The following PRKN variants were observed in gnomAD, a reference collection of about 807,000 sequenced individuals.
The protein encoded by PRKN is E3 ubiquitin-protein ligase parkin.
A neutral mutation model predicts 59.5 loss-of-function variants in PRKN; 56 were observed. The observed-to-expected ratio is 0.94, with a 90% CI of 0.76 to 1.18. The LOEUF (loss-of-function observed/expected upper bound fraction) is 1.18, where lower values mean the gene tolerates loss of function less well. Ranked by LOEUF, PRKN falls within the 50% of genes most tolerant of loss-of-function variation. The pLI is 0.00. For missense variants in PRKN, 657 were observed against 596.4 expected, an observed-to-expected ratio of 1.10 and a Z score of -1.06; for synonymous variants, 250 against 222.1, an observed-to-expected ratio of 1.13 and a Z score of -1.12.
intron 1 of PRKN, among the ~76,000 whole-genome samples, chr6:162,548,812 A>G (rs1388808302): frequency 6.6e-6 from 1 of 152,170 alleles, no homozygotes; most frequent in East Asian, 1.9e-4. Flanking sequence ...AATCATCTCA[A>G]GTTAAATAAC....
intron 4 of PRKN, among the ~76,000 whole-genome samples, chr6:162,064,908 G>A (rs1160251913): frequency 6.6e-6 from 1 of 152,178 alleles, no homozygotes; most frequent in East Asian, 1.9e-4. Flanking sequence ...ATGCCCTTAA[G>A]GGCCCTCCCC....
rs555447415 is a variant in PRKN at position 161,355,396 on chromosome 6, G to A, written c.1285+4692C>T. Among the ~76,000 whole-genome samples the A allele has an allele frequency of 1.3e-5, 2 of 152,166 alleles. No homozygotes were observed. Among genetic ancestry groups the A allele is most frequent in the African/African-American group, 2.4e-5 (1 of 41,458 alleles). On this transcript the variant is annotated intron_variant, in intron 11 of 11. Transcript: ENST00000366898. The surrounding 1 kb of genome is among the most constrained non-coding windows in gnomAD (Gnocchi z 6.8). ...AACTTTACAAGCTAAGTTTTTGTGT[G>A]TTTGTGTTTTATTTATTCTTTTTGA... is the stretch of plus-strand genomic sequence containing the variant.
Position 162,439,691 on chromosome 6 carries a change from TC to T in PRKN, c.171+3618del, listed in dbSNP as rs759401302. ...TGAGACTAACTCCCCCTCTTCCTCT[TC>T]CTCTTTAGCCTACTCAACATGAAGA... On this transcript the variant is annotated intron_variant, in intron 2 of 11. Transcript: ENST00000366898. Among the ~76,000 whole-genome samples the T allele has an allele frequency of 6.0e-4, 81 of 135,430 alleles. 1 individual carries two copies. Among genetic ancestry groups the T allele is most frequent in the Non-Finnish European group, 1.1e-3 (68 of 64,162 alleles). The allele number at this position is 135,430 out of a possible 152,430, so 88.8% of individuals were successfully genotyped here. A position where few individuals can be genotyped will look rare whatever the true frequency, so the allele number is the denominator to read the frequency against.
intron 2 of PRKN, among the ~76,000 whole-genome samples, chr6:162,410,391 G>C (rs1788294417): frequency 6.6e-6 from 1 of 152,130 alleles, no homozygotes; most frequent in Non-Finnish European, 1.5e-5. Context: ...ATGTGCCACT[G>C]AAAAACAGCT....
At chr6:162,642,924 A>C (rs1159581727) in intron 1 of PRKN, among the ~76,000 whole-genome samples, 1 of 152,122 alleles carries the variant, frequency 6.6e-6, no homozygotes, top group Non-Finnish European at 1.5e-5. Flanking sequence ...AATTCATTGT[A>C]AGACATAGTA....
chr6:162,529,130 T>A (rs1166729425), intron 1 of PRKN, among the ~76,000 whole-genome samples: 1 of 152,174 alleles, frequency 6.6e-6, no homozygotes, highest in Non-Finnish European at 1.5e-5. Context: ...CACCTCGGTC[T>A]CCTCAAGTGT....
At position 161,391,304 on chromosome 6, in the gene PRKN, C is replaced by T. The variant is rs1322145996; in HGVS notation, c.1084-4427G>A. ...TAAGCTGCATAATACCTCTCCAAAC[C>T]TTATGAGTCAACATTAACCGAATGG... On this transcript the variant is annotated intron_variant, in intron 9 of 11. Coordinates refer to ENST00000366898, the MANE Select transcript of PRKN (RefSeq NM_004562.3). The surrounding 1 kb of genome is among the most constrained non-coding windows in gnomAD (Gnocchi z 4.9). Among the ~76,000 whole-genome samples the T allele has an allele frequency of 6.6e-6, 1 of 152,068 alleles. No homozygotes were observed. Among genetic ancestry groups the T allele is most frequent in the Non-Finnish European group, 1.5e-5 (1 of 68,024 alleles).
intron 2 of PRKN, among the ~76,000 whole-genome samples, chr6:162,333,600 G>A (rs942355886): frequency 2.0e-5 from 3 of 152,118 alleles, no homozygotes; most frequent in Non-Finnish European, 2.9e-5. Flanking sequence ...CATGTGTTCC[G>A]ACTGATACGC....
chr6:161,537,947 C>T (rs1447571408), intron 9 of PRKN, among the ~76,000 whole-genome samples: 3 of 152,176 alleles, frequency 2.0e-5, no homozygotes, highest in East Asian at 1.9e-4. Flanking sequence ...GGGAAAAAAT[C>T]GCTTGGCATC....
chr6:162,416,495 A>C (rs1788635599), intron 2 of PRKN, among the ~76,000 whole-genome samples: 2 of 152,190 alleles, frequency 1.3e-5, no homozygotes, highest in Admixed American at 1.3e-4. Context: ...CATATTCCTT[A>C]CAAGTTGCTG....
intron 7 of PRKN, among the ~76,000 whole-genome samples, chr6:161,585,838 C>G (rs1781503936): frequency 6.6e-6 from 1 of 152,178 alleles, no homozygotes; most frequent in African/African-American, 2.4e-5. Context: ...ACAACCCAGC[C>G]AGGCAGCAGG....
chr6:161,600,437 A>G (rs1195610815), intron 7 of PRKN, among the ~76,000 whole-genome samples: 1 of 152,172 alleles, frequency 6.6e-6, no homozygotes, highest in Admixed American at 6.5e-5. Flanking sequence ...TTTGTTAATC[A>G]TTCTCTGTCC....
chr6:162,028,022 G>T (rs1402555868), intron 5 of PRKN, among the ~76,000 whole-genome samples: 1 of 151,794 alleles, frequency 6.6e-6, no homozygotes, highest in African/African-American at 2.4e-5. Flanking sequence ...TCCGAATACT[G>T]CCTCTGACCC....
rs552299170 is a variant in PRKN, at chr6:161,428,362, G to A, written c.1084-41485C>T. 2.0e-5 allele frequency among the ~76,000 whole-genome samples: 3 copies of A among 152,314 alleles called. No individual in the cohort carries two copies. Among genetic ancestry groups the A allele is most frequent in the Non-Finnish European group, 2.9e-5 (2 of 68,034 alleles). On this transcript the variant is annotated intron_variant, in intron 9 of 11. Transcript: ENST00000366898. The surrounding 1 kb of genome is among the most constrained non-coding windows in gnomAD (Gnocchi z 4.0). ...TGGCAGAGAGGGGCAGAGGGAGGCA[G>A]GACGGGCTGCTGGGGTGGAGAGTGC...
chr6:162,328,496 G>C (rs773010508), intron 2 of PRKN, among the ~76,000 whole-genome samples: 3 of 152,160 alleles, frequency 2.0e-5, no homozygotes, highest in Non-Finnish European at 4.4e-5. Flanking sequence ...ATGTGTATTA[G>C]AACTTACAAA....
At chr6:161,849,438 GT>G (rs1177721758) in intron 6 of PRKN, among the ~76,000 whole-genome samples, 1 of 151,700 alleles carries the variant, frequency 6.6e-6, no homozygotes, top group Non-Finnish European at 1.5e-5. Flanking sequence ...TCCATTTTTT[GT>G]ACTCATTTAA....
intron 7 of PRKN, among the ~76,000 whole-genome samples, chr6:161,590,192 C>T (rs11969861): frequency 0.028 from 4,305 of 152,214 alleles, 153 homozygotes; most frequent in African/African-American, 0.086. Context: ...AGAAACCTGA[C>T]GGCCACCACT....
At chr6:161,490,410 A>T (rs1583144736) in intron 9 of PRKN, among the ~76,000 whole-genome samples, 2 of 125,810 alleles carry the variant, frequency 1.6e-5, no homozygotes. Context: ...TTTGAGACAG[A>T]GTCTCACTCT....
Position 161,400,166 on chromosome 6 carries a change from C to G in PRKN, c.1084-13289G>C, listed in dbSNP as rs1217477939. Among the ~76,000 whole-genome samples the G allele has an allele frequency of 1.3e-5, 2 of 151,980 alleles. No individual in the cohort carries two copies. Among genetic ancestry groups the G allele is most frequent in the African/African-American group, 4.8e-5 (2 of 41,364 alleles). ...CTGGACTGCGCAGGTCTACAAGGAC[C>G]CTGCTGTCTGAGGACTCCTTGCACG... On this transcript the variant is annotated intron_variant, in intron 9 of 11. Coordinates refer to ENST00000366898, the MANE Select transcript of PRKN (RefSeq NM_004562.3). The surrounding 1 kb of genome is among the most constrained non-coding windows in gnomAD (Gnocchi z 4.2).
Sources: allele counts gnomAD v4.1 joint callset (sites outside exome capture counted in the v4.1 genomes callset), GRCh38; gene constraint gnomAD v4.1.1; non-coding constraint Gnocchi (gnomAD v3.1); transcripts MANE v1.5; gene names NCBI Gene and HGNC (gene_info 2026-07-23, HGNC 2026-07-21).